GALNT13: variants seen among roughly 807,000 people sequenced by gnomAD.
The protein encoded by GALNT13 is UDP-GalNAc:polypeptide N-acetylgalactosaminyltransferase 13.
Under a neutral mutation model 64.2 loss-of-function variants are expected in GALNT13, and 28 were observed. The observed-to-expected ratio is 0.44, with a 90% CI of 0.32 to 0.60. The LOEUF (loss-of-function observed/expected upper bound fraction) is 0.60, where lower values mean the gene tolerates loss of function less well. Among genes scored for constraint, GALNT13 ranks in the 20% least tolerant of loss-of-function variants. The pLI is 0.05. For synonymous variants in GALNT13, 214 were observed against 224.6 expected, an observed-to-expected ratio of 0.95 and a Z score of 0.42; for missense variants, 577 against 669.8, an observed-to-expected ratio of 0.86 and a Z score of 1.53.
chr2:153,785,462 G>A, the GALNT13 span, among the ~76,000 whole-genome samples: 1 of 152,160 alleles, frequency 6.6e-6, no homozygotes, highest in African/African-American at 2.4e-5. Context: ...CTATGGACTG[G>A]AGCAGACTCC....
At chr2:153,557,679 GCTTAACATC>G in the GALNT13 span, among the ~76,000 whole-genome samples, 3 of 152,050 alleles carry the variant, frequency 2.0e-5, no homozygotes, top group African/African-American at 7.2e-5. Context: ...TCACTCCTCG[GCTTAACATC>G]CTTCAATTGG....
chr2:153,312,772 A>C, the GALNT13 span, among the ~76,000 whole-genome samples: 1 of 152,124 alleles, frequency 6.6e-6, no homozygotes, highest in Admixed American at 6.5e-5. Context: ...CATCGCGTTG[A>C]GGTGGTGGTA....
chr2:153,076,545 A>G, the GALNT13 span, among the ~76,000 whole-genome samples: 1 of 152,136 alleles, frequency 6.6e-6, no homozygotes, highest in African/African-American at 2.4e-5. Flanking sequence ...TTATTCACCC[A>G]TGCTTCCTTG....
At chr2:153,407,118 T>G in the GALNT13 span, among the ~76,000 whole-genome samples, 1 of 152,214 alleles carries the variant, frequency 6.6e-6, no homozygotes, top group East Asian at 1.9e-4. Flanking sequence ...CTAGTTTTTA[T>G]TTCTCAAAAC....
intron 3 of GALNT13, among the ~76,000 whole-genome samples, chr2:154,130,258 A>T (rs1255467298): frequency 6.6e-6 from 1 of 151,596 alleles, no homozygotes; most frequent in Non-Finnish European, 1.5e-5. Flanking sequence ...GTCTCCTAAT[A>T]CTCCATCATT....
At chr2:153,749,074 A>G in the GALNT13 span, among the ~76,000 whole-genome samples, 333 of 152,088 alleles carry the variant, frequency 2.2e-3, 6 homozygotes, top group East Asian at 0.054. Context: ...AGCATTATTT[A>G]TTGAAGAGAC....
the GALNT13 span, among the ~76,000 whole-genome samples, chr2:153,520,877 T>A: frequency 6.6e-6 from 1 of 152,168 alleles, no homozygotes; most frequent in African/African-American, 2.4e-5. Flanking sequence ...GATATGTAAA[T>A]CATAAATAGG....
the GALNT13 span, among the ~76,000 whole-genome samples, chr2:153,733,448 C>G: frequency 1.3e-5 from 2 of 152,122 alleles, no homozygotes; most frequent in African/African-American, 4.8e-5. Flanking sequence ...GAATGATTTT[C>G]TTTGTGCCAT....
At chr2:154,055,276 T>A (rs745466919) in intron 3 of GALNT13, among the ~76,000 whole-genome samples, 8 of 152,094 alleles carry the variant, frequency 5.3e-5, no homozygotes, top group Non-Finnish European at 1.0e-4. Flanking sequence ...CCTTCAGGCA[T>A]GTTTTCCAAC....
chr2:153,977,768 A>G (rs556445715), intron 3 of GALNT13, among the ~76,000 whole-genome samples: 63 of 152,320 alleles, frequency 4.1e-4, no homozygotes, highest in Non-Finnish European at 2.8e-4. Flanking sequence ...AATATATCTG[A>G]GTTATTCATA....
chr2:153,618,112 T>C, the GALNT13 span, among the ~76,000 whole-genome samples: 8 of 152,060 alleles, frequency 5.3e-5, no homozygotes, highest in South Asian at 1.2e-3. Flanking sequence ...AGATATATTG[T>C]TGATTGTTTA....
At chr2:153,515,811 A>G in the GALNT13 span, among the ~76,000 whole-genome samples, 17 of 152,050 alleles carry the variant, frequency 1.1e-4, no homozygotes, top group African/African-American at 3.9e-4. Flanking sequence ...ATGTTGAAAG[A>G]CACTAAGGTG....
chr2:154,209,752 A>G (rs553840166), intron 4 of GALNT13, among the ~76,000 whole-genome samples: 1 of 152,164 alleles, frequency 6.6e-6, no homozygotes, highest in Non-Finnish European at 1.5e-5. Flanking sequence ...ATTATCATGT[A>G]TGTTTTTGTG....
intron 8 of GALNT13, among the ~76,000 whole-genome samples, chr2:154,276,410 G>A (rs777639492): frequency 3.3e-5 from 5 of 151,914 alleles, no homozygotes; most frequent in Admixed American, 2.6e-4. Context: ...AGTAGAAACG[G>A]AAAATGCAAC....
intron 9 of GALNT13, among the ~76,000 whole-genome samples, chr2:154,349,030 T>C: frequency 6.6e-6 from 1 of 152,348 alleles, no homozygotes; most frequent in Middle Eastern, 3.4e-3. Context: ...TACCAAATTA[T>C]TTAAAATTAC....
the GALNT13 span, among the ~76,000 whole-genome samples, chr2:153,639,960 G>A: frequency 2.6e-5 from 4 of 152,084 alleles, no homozygotes; most frequent in African/African-American, 9.7e-5. Flanking sequence ...CAGGGATCAA[G>A]GGAATAATGG....
At chr2:154,235,660 G>A (rs1383314425) in intron 4 of GALNT13, among the ~76,000 whole-genome samples, 1 of 152,124 alleles carries the variant, frequency 6.6e-6, no homozygotes, top group Non-Finnish European at 1.5e-5. Flanking sequence ...GGCTCAATGA[G>A]CAGCAGTCCA....
chr2:154,419,377 C>G (rs959601445), intron 11 of GALNT13, among the ~76,000 whole-genome samples: 2 of 152,056 alleles, frequency 1.3e-5, no homozygotes, highest in African/African-American at 4.8e-5. Flanking sequence ...TTCTTAAGAT[C>G]TCTTAAAAAT....
the GALNT13 span, among the ~76,000 whole-genome samples, chr2:153,257,900 A>G: frequency 1.3e-5 from 2 of 152,208 alleles, no homozygotes; most frequent in Non-Finnish European, 2.9e-5. Flanking sequence ...CTTGACTTAT[A>G]CAGCCAATAA....
Sources: gnomAD v4.1 joint callset for allele counts (sites outside exome capture counted in the v4.1 genomes callset) on GRCh38, gnomAD v4.1.1 for gene constraint, MANE v1.5 for transcripts, NCBI Gene and HGNC (gene_info 2026-07-23, HGNC 2026-07-21) for gene names.